Variants in GALNT7 observed in about 807,000 individuals in gnomAD.
GALNT7 encodes polypeptide N-acetylgalactosaminyltransferase 7, also known as N-acetylgalactosaminyltransferase 7.
Under a neutral mutation model 82.1 loss-of-function variants are expected in GALNT7, and 60 were observed. That is an observed-to-expected ratio of 0.73 (90% CI 0.59 to 0.91). GALNT7 has a LOEUF of 0.91. Ranked by LOEUF, GALNT7 falls within the 40% of genes least tolerant of loss-of-function variation. The pLI is 0.00. For synonymous variants in GALNT7, 243 were observed against 275.1 expected (o/e 0.88, Z 1.15); for missense variants, 660 against 804.2 (o/e 0.82, Z 2.17).
intron 1 of GALNT7, among the ~76,000 whole-genome samples, chr4:173,194,580 G>T (rs147606752): frequency 6.6e-6 from 1 of 152,088 alleles, no homozygotes; most frequent in Non-Finnish European, 1.5e-5. Flanking sequence ...TTTCAGAGGC[G>T]GTTTCATGTG....
chr4:173,203,348 C>T (rs1461084619), intron 1 of GALNT7, among the ~76,000 whole-genome samples: 3 of 152,264 alleles, frequency 2.0e-5, no homozygotes, highest in African/African-American at 7.2e-5. Flanking sequence ...GCCTCGGCCT[C>T]CCAAAGTGCC....
chr4:173,171,612 A>G (rs796266594), intron 1 of GALNT7, among the ~76,000 whole-genome samples: 10 of 152,362 alleles, frequency 6.6e-5, no homozygotes, highest in African/African-American at 2.2e-4. Flanking sequence ...AGTCAAGACA[A>G]AAGAAACATG....
chr4:173,267,202 T>C (rs1271246439), intron 2 of GALNT7, among the ~76,000 whole-genome samples: 2 of 152,070 alleles, frequency 1.3e-5, no homozygotes, highest in Non-Finnish European at 2.9e-5. Flanking sequence ...CATAAATAGG[T>C]ACTATTATCA....
chr4:173,315,209 G>A (rs760428751), intron 9 of GALNT7, among the ~76,000 whole-genome samples: 1 of 152,184 alleles, frequency 6.6e-6, no homozygotes, highest in Non-Finnish European at 1.5e-5. Flanking sequence ...TCATCTGGGA[G>A]TGGATTCCTT....
At position 173,292,335 on chromosome 4, in the gene GALNT7, A is replaced by C. The variant is rs1232743375; in HGVS notation, c.754+61A>C. Reference sequence around the variant, plus strand: ...TAAGTTAAGCATGAATAATTGCAAAAAGGTGATTTCAAAATAATTAGCTTT... The same window carrying C: ...TAAGTTAAGCATGAATAATTGCAAACAGGTGATTTCAAAATAATTAGCTTT... On this transcript the variant is annotated intron_variant, in intron 3 of 11. Coordinates refer to ENST00000265000, the MANE Select transcript of GALNT7 (RefSeq NM_017423.3). The surrounding 1 kb of genome is among the most constrained non-coding windows in gnomAD (Gnocchi z 4.8). The C allele has an allele frequency of 8.5e-6, 9 of 1,053,108 alleles. No individual in the cohort carries two copies. The highest frequency in any genetic ancestry group is 9.8e-6 in the Non-Finnish European group (7 of 716,424). 65.2% of individuals were successfully genotyped at this position (1,053,108 alleles called of 1,614,324 possible).
intron 2 of GALNT7, among the ~76,000 whole-genome samples, chr4:173,291,686 G>A (rs1398104766): frequency 2.0e-5 from 3 of 151,606 alleles, no homozygotes. Flanking sequence ...GCAATATAGT[G>A]TGTTTAGCTT....
intron 1 of GALNT7, among the ~76,000 whole-genome samples, chr4:173,213,219 C>T (rs1733337838): frequency 1.2e-5 from 1 of 84,210 alleles, no homozygotes; most frequent in South Asian, 5.5e-4. Context: ...ACATTCTCCT[C>T]CTTTCTAGTT....
At chr4:173,311,136 T>G (rs1044542989) in intron 8 of GALNT7, among the ~76,000 whole-genome samples, 1 of 152,258 alleles carries the variant, frequency 6.6e-6, no homozygotes, top group African/African-American at 2.4e-5. Flanking sequence ...TTTGCTTTTC[T>G]CTTTGCCCTG....
chr4:173,241,062 A>ACTCTTT (rs1344565365), intron 1 of GALNT7, among the ~76,000 whole-genome samples: 5 of 152,112 alleles, frequency 3.3e-5, no homozygotes, highest in African/African-American at 4.8e-5. Flanking sequence ...TAACTCAAAG[A>ACTCTTT]GTTGATTGAC....
chr4:173,318,466 G>C lies in GALNT7; in HGVS notation c.1743G>C (p.Gln581His). ...FRINEANQLM[Q>H]YDQCLTKGAD... ...TCAATGAAGCAAATCAACTCATGCA[G>C]TATGACCAGTGTTTGACAAAGGGAG... The change falls in exon 11 of 12, where the codon CAG (glutamine) becomes CAC (histidine). Residue 581 changes from glutamine (Q) to histidine (H), a missense_variant. Coordinates refer to ENST00000265000, the MANE Select transcript of GALNT7 (RefSeq NM_017423.3). The C allele has an allele frequency of 6.2e-7, 1 of 1,602,586 alleles. No homozygotes were observed. The highest frequency in any genetic ancestry group is 8.5e-7 in the Non-Finnish European group (1 of 1,171,826).
At chr4:173,215,229 C>T (rs1052895386) in intron 1 of GALNT7, among the ~76,000 whole-genome samples, 2 of 139,952 alleles carry the variant, frequency 1.4e-5, no homozygotes, top group Non-Finnish European at 3.2e-5. Flanking sequence ...TGCTCTTCTT[C>T]TTCTTTTTTT....
intron 1 of GALNT7, among the ~76,000 whole-genome samples, chr4:173,207,599 T>G (rs1467071502): frequency 6.6e-6 from 1 of 152,150 alleles, no homozygotes; most frequent in Non-Finnish European, 1.5e-5. Context: ...GTGGTAAGAG[T>G]TGATGTAGCT....
intron 1 of GALNT7, among the ~76,000 whole-genome samples, chr4:173,225,146 A>G (rs1233670062): frequency 6.6e-6 from 1 of 151,926 alleles, no homozygotes; most frequent in Non-Finnish European, 1.5e-5. Context: ...TTTTAAAATA[A>G]CCAATCCATG....
At chr4:173,296,701 CA>C (rs1736728060) in intron 5 of GALNT7, among the ~76,000 whole-genome samples, 1 of 152,180 alleles carries the variant, frequency 6.6e-6, no homozygotes, top group Non-Finnish European at 1.5e-5. Flanking sequence ...GTTTACACTG[CA>C]CCATGTATTT....
chr4:173,258,223 C>G (rs1193507218), intron 2 of GALNT7, among the ~76,000 whole-genome samples: 21 of 152,124 alleles, frequency 1.4e-4, no homozygotes, highest in Admixed American at 1.4e-3. Flanking sequence ...GGTTCTTGAC[C>G]TCATATCTTC....
At chr4:173,225,200 A>G (rs190599390) in intron 1 of GALNT7, among the ~76,000 whole-genome samples, 61 of 152,108 alleles carry the variant, frequency 4.0e-4, no homozygotes, top group African/African-American at 1.4e-3. Context: ...AATATGTGAA[A>G]TCTGTTTTAC....
intron 1 of GALNT7, among the ~76,000 whole-genome samples, chr4:173,224,289 T>C (rs564192489): frequency 3.9e-5 from 6 of 152,240 alleles, no homozygotes; most frequent in African/African-American, 9.6e-5. Context: ...CCATATCGAA[T>C]TTTTCCCATT....
In GALNT7 at chr4:173,311,592, C is replaced by T. The variant is rs191674107; in HGVS notation, c.1390-2366C>T. ...AAGCAGGAAGGTGCTACACACTTTT[C>T]ACCAACCAGATGTCACAAGAACTCA... On this transcript the variant is annotated intron_variant, in intron 8 of 11. Coordinates refer to ENST00000265000, the MANE Select transcript of GALNT7 (RefSeq NM_017423.3). Among the ~76,000 whole-genome samples, 14 of 152,264 alleles carry T rather than the reference C, an allele frequency of 9.2e-5. No individual in the cohort carries two copies. In the East Asian group the frequency reaches 2.7e-3, roughly 29 times the overall value.
At chr4:173,237,465 G>A (rs902790278) in intron 1 of GALNT7, among the ~76,000 whole-genome samples, 1 of 152,078 alleles carries the variant, frequency 6.6e-6, no homozygotes, top group African/African-American at 2.4e-5. Context: ...TTTCAAAAGG[G>A]TATAACAAAC....
Sources: allele counts gnomAD v4.1 joint callset (sites outside exome capture counted in the v4.1 genomes callset), GRCh38; gene constraint gnomAD v4.1.1; non-coding constraint Gnocchi (gnomAD v3.1); transcripts MANE v1.5; gene names NCBI Gene and HGNC (gene_info 2026-07-23, HGNC 2026-07-21).